The following EDA variants were observed in gnomAD, a reference collection of about 807,000 sequenced individuals.
The protein encoded by EDA is ectodysplasin A, also known as ectodysplasin-A.
In EDA, 2 loss-of-function variants were observed where a neutral mutation model predicts 23.6. The ratio of observed to expected loss-of-function variants is 0.08; its 90% CI spans 0.03 to 0.27. EDA has a LOEUF of 0.27. EDA is among the 10% of genes least tolerant of loss of function. The pLI, the probability that EDA is intolerant of heterozygous loss-of-function variation, is 1.00. For missense variants in EDA, 229 were observed against 324.2 expected (o/e 0.71, Z 2.26); for synonymous variants, 131 against 132.0 (o/e 0.99, Z 0.05).
At chrX:69,964,164 A>G (rs2019142201) in intron 2 of EDA, among the ~76,000 whole-genome samples, 1 of 111,620 alleles carries the variant, frequency 9.0e-6, no homozygotes, top group African/African-American at 3.3e-5. Context: ...CAGCTCTGCC[A>G]TTAGTAGTTA....
intron 1 of EDA, 73 bp from the exon 2 acceptor site, chrX:69,956,954 G>A: frequency 1.0e-6 from 1 of 976,537 alleles, no homozygotes; most frequent in Non-Finnish European, 1.5e-6. Context: ...ACTGTCTATG[G>A]AAAGCTGGTT....
At chrX:69,953,780 A>G (rs1023672882) in intron 1 of EDA, among the ~76,000 whole-genome samples, 3 of 112,124 alleles carry the variant, frequency 2.7e-5, no homozygotes, top group Non-Finnish European at 5.6e-5. Context: ...GTGAAAATTC[A>G]TATTCATTCA....
chrX:69,672,505 G>A (rs1054968906), intron 1 of EDA: 1 of 111,291 alleles, frequency 9.0e-6, no homozygotes, highest in African/African-American at 3.3e-5. Flanking sequence ...CCCTGAATGA[G>A]CCTGATCTCG....
chrX:69,694,319 A>T (rs2011262339), intron 1 of EDA, among the ~76,000 whole-genome samples: 1 of 112,253 alleles, frequency 8.9e-6, no homozygotes, highest in Non-Finnish European at 1.9e-5. Flanking sequence ...TTAAGGAGTT[A>T]TTTTAAATTG....
intron 1 of EDA, among the ~76,000 whole-genome samples, chrX:69,754,017 CTT>C (rs1230113834): frequency 9.0e-6 from 1 of 110,988 alleles, no homozygotes; most frequent in Non-Finnish European, 1.9e-5. Context: ...GGTCTTGACT[CTT>C]TATCCAATTT....
chrX:69,714,730 T>G (rs2804334), intron 1 of EDA, among the ~76,000 whole-genome samples: 2 of 110,426 alleles, frequency 1.8e-5, no homozygotes, highest in Non-Finnish European at 3.8e-5. Context: ...TTCTCTGTTT[T>G]GTCTCATGGA....
chrX:69,761,129 A>T (rs1294173556), intron 1 of EDA, among the ~76,000 whole-genome samples: 1 of 111,021 alleles, frequency 9.0e-6, no homozygotes, highest in Non-Finnish European at 1.9e-5. Flanking sequence ...AAGAAAAGCT[A>T]TAAGAGAGGT....
chrX:69,653,524 T>C (rs929343028), intron 1 of EDA, among the ~76,000 whole-genome samples: 1 of 110,600 alleles, frequency 9.0e-6, no homozygotes, highest in Admixed American at 9.7e-5. Flanking sequence ...TGAATAGGAG[T>C]GGTGAGAGAG....
intron 1 of EDA, among the ~76,000 whole-genome samples, chrX:69,721,238 G>GT (rs1479067196): frequency 8.9e-6 from 1 of 111,891 alleles, no homozygotes; most frequent in African/African-American, 3.3e-5. Context: ...CTCCACCAGT[G>GT]TTCCCCACTC....
At chrX:70,016,206 C>T (rs1327440596) in intron 2 of EDA, among the ~76,000 whole-genome samples, 8 of 111,426 alleles carry the variant, frequency 7.2e-5, no homozygotes, top group Admixed American at 4.8e-4. Flanking sequence ...ATGTACCCAA[C>T]ACAGGAGTAC....
At chrX:69,825,235 C>T (rs2147526033) in intron 1 of EDA, among the ~76,000 whole-genome samples, 1 of 95,309 alleles carries the variant, frequency 1.0e-5, no homozygotes, top group East Asian at 3.4e-4. Context: ...GGAGGATTCC[C>T]TCTTTTTCTA....
At position 70,028,184 on chromosome X, in the gene EDA, A is replaced by G. The variant is rs1245515313; in HGVS notation, c.706+148A>G. 2.9e-6 allele frequency: 3 copies of G among 1,026,411 alleles called. No homozygotes were observed. The Admixed American group carries it at 1.0e-4, about 35-fold the overall frequency. The allele number at this position is 1,026,411 out of a possible 1,213,427, so 84.6% of individuals were successfully genotyped here. On this transcript the variant is annotated intron_variant, in intron 4 of 7. Transcript: ENST00000374552. ...AGATCTCCTAGCCCAGTGTAAAACT[A>G]GGAATTGGACAAGCCAGTAGGGCCT...
rs201036606 is a variant in EDA, at chrX:70,035,644, C to G, written c.*35C>G. 4.8e-4 allele frequency: 574 copies of G among 1,200,256 alleles called. No individual in the cohort carries two copies. Among genetic ancestry groups the G allele is most frequent in the Non-Finnish European group, 6.1e-4 (540 of 892,076 alleles). On this transcript the variant is annotated 3_prime_UTR_variant, in exon 8 of 8. Transcript: ENST00000374552. ...ATTTTGCCTCTGTCCGTGCCCCTTC[C>G]CTGGGTTTGGGAGCCAGGACTCCCA...
At chrX:69,648,224 G>A (rs746857252) in intron 1 of EDA, among the ~76,000 whole-genome samples, 2 of 111,943 alleles carry the variant, frequency 1.8e-5, no homozygotes, top group Non-Finnish European at 3.8e-5. Flanking sequence ...TAGAGCAGGT[G>A]TGTTGTATTT....
intron 1 of EDA, among the ~76,000 whole-genome samples, chrX:69,728,474 G>A (rs1020643535): frequency 1.8e-5 from 2 of 111,958 alleles, no homozygotes; most frequent in Non-Finnish European, 3.8e-5. Flanking sequence ...ATGTGCAAGG[G>A]CACAGAGTAT....
At chrX:69,643,571 G>T (rs534455435) in intron 1 of EDA, among the ~76,000 whole-genome samples, 3 of 111,550 alleles carry the variant, frequency 2.7e-5, no homozygotes, top group African/African-American at 9.8e-5. Flanking sequence ...TGTTCACTCT[G>T]TTGATCCTTT....
intron 1 of EDA, among the ~76,000 whole-genome samples, chrX:69,621,128 GTCTT>G (rs1359619456): frequency 2.7e-5 from 3 of 111,889 alleles, no homozygotes; most frequent in Non-Finnish European, 5.6e-5. Context: ...TAGGTCTCAT[GTCTT>G]TCTTTCTATC....
chrX:69,810,179 A>G (rs1314273102), intron 1 of EDA, among the ~76,000 whole-genome samples: 3 of 88,762 alleles, frequency 3.4e-5, no homozygotes, highest in Admixed American at 1.5e-4. Flanking sequence ...AATTGCCTGA[A>G]CCTGGGAGGC....
chrX:69,665,180 T>C, intron 1 of EDA, among the ~76,000 whole-genome samples: 1 of 112,434 alleles, frequency 8.9e-6, no homozygotes, highest in Non-Finnish European at 1.9e-5. Flanking sequence ...GCTATTGAGT[T>C]GTATGAGTTC....
Sources: allele counts gnomAD v4.1 joint callset (sites outside exome capture counted in the v4.1 genomes callset), GRCh38; gene constraint gnomAD v4.1.1; transcripts MANE v1.5; gene names NCBI Gene and HGNC (gene_info 2026-07-23, HGNC 2026-07-21).